Variants in TANC1 observed in about 807,000 individuals in gnomAD.
The protein encoded by TANC1 is protein TANC1.
TANC1 carries 77 observed loss-of-function variants against 149.7 expected under a neutral mutation model. The ratio of observed to expected loss-of-function variants is 0.51; its 90% CI spans 0.43 to 0.62. TANC1 has a LOEUF of 0.62. Ranked by LOEUF, TANC1 falls within the 20% of genes least tolerant of loss-of-function variation. The probability of loss-of-function intolerance (pLI) is 0.00; values close to 1 mark genes in which losing one functional copy is unlikely to be tolerated. For missense variants in TANC1, 1,985 were observed against 2,321.8 expected (o/e 0.85, Z 2.98); for synonymous variants, 854 against 925.0 (o/e 0.92, Z 1.39).
intron 5 of TANC1, 53 bp from the exon 6 acceptor site, chr2:159,149,088 CG>C (rs779011393): frequency 4.1e-4 from 619 of 1,526,760 alleles, no homozygotes; most frequent in Non-Finnish European, 5.3e-4. Context: ...CATCCAGATG[CG>C]ATACTGAAAT....
chr2:159,229,004 T>A, intron 26 of TANC1, 108 bp downstream of exon 26: 1 of 796,976 alleles, frequency 1.3e-6, no homozygotes, highest in Non-Finnish European at 2.1e-6. Flanking sequence ...CAGGTGCCTC[T>A]CATCCTTTTT....
chr2:159,070,370 C>T (rs2043041553), intron 3 of TANC1, among the ~76,000 whole-genome samples: 1 of 152,098 alleles, frequency 6.6e-6, no homozygotes, highest in Non-Finnish European at 1.5e-5. Flanking sequence ...CATTTTCCAC[C>T]AGAGTTGTGC....
chr2:159,222,915 T>C (rs1312671388), intron 22 of TANC1, among the ~76,000 whole-genome samples: 1 of 152,210 alleles, frequency 6.6e-6, no homozygotes, highest in Non-Finnish European at 1.5e-5. Flanking sequence ...TTTTTGTTTT[T>C]GTTTTTTTGA....
intron 4 of TANC1, among the ~76,000 whole-genome samples, chr2:159,118,999 A>G (rs2048576962): frequency 1.3e-5 from 2 of 152,236 alleles, no homozygotes; most frequent in African/African-American, 2.4e-5. Context: ...ACATACTGTT[A>G]ATCATGTATT....
chr2:159,189,223 G>A (rs923307542), intron 16 of TANC1, among the ~76,000 whole-genome samples: 1 of 152,248 alleles, frequency 6.6e-6, no homozygotes, highest in Admixed American at 6.5e-5. Context: ...TCTGCTGTAG[G>A]CACCTGGGAA....
chr2:159,198,005 C>A (rs1234828225), intron 18 of TANC1, among the ~76,000 whole-genome samples: 2 of 152,168 alleles, frequency 1.3e-5, no homozygotes, highest in African/African-American at 4.8e-5. Flanking sequence ...TAGGGGAGAA[C>A]CTGTCTCCTT....
chr2:159,109,707 C>T (rs1378749860), intron 4 of TANC1, among the ~76,000 whole-genome samples: 2 of 152,214 alleles, frequency 1.3e-5, no homozygotes, highest in Non-Finnish European at 2.9e-5. Flanking sequence ...CTTCCCTTGG[C>T]CCAGTGTCCA....
At chr2:159,154,928 T>G (rs2053257174) in intron 7 of TANC1, among the ~76,000 whole-genome samples, 1 of 152,216 alleles carries the variant, frequency 6.6e-6, no homozygotes, top group South Asian at 2.1e-4. Context: ...TTTAAAGGTG[T>G]TTCCTCCTTG....
intron 2 of TANC1, among the ~76,000 whole-genome samples, chr2:159,062,973 C>CCAAAAAAAAAAAAAAAAAAAAAAAA (rs770866772): frequency 2.4e-5 from 1 of 41,216 alleles, no homozygotes; most frequent in African/African-American, 7.4e-5. Flanking sequence ...GACTCCGTCT[C>CCAAAAAAAAAAAAAAAAAAAAAAAA]AAAAAAAAAA....
chr2:159,172,078 C>T, intron 10 of TANC1, 43 bp from the exon 11 acceptor site: 13 of 1,583,948 alleles, frequency 8.2e-6, no homozygotes, highest in Non-Finnish European at 1.1e-5. Context: ...CCACACCCTG[C>T]TCCTACTGTG....
chr2:159,185,180 G>T (rs560322867), intron 14 of TANC1, among the ~76,000 whole-genome samples: 15 of 152,194 alleles, frequency 9.9e-5, no homozygotes, highest in Non-Finnish European at 2.1e-4. Flanking sequence ...GAAACTAATT[G>T]GCTCAAAGGC....
At chr2:159,061,514 C>A (rs573065434) in intron 2 of TANC1, among the ~76,000 whole-genome samples, 15 of 152,292 alleles carry the variant, frequency 9.8e-5, no homozygotes, top group Middle Eastern at 3.4e-3. Context: ...AATTATTAGG[C>A]CTCATTCCCT....
intron 11 of TANC1, among the ~76,000 whole-genome samples, chr2:159,172,856 C>T (rs1032360651): frequency 1.3e-5 from 2 of 152,206 alleles, no homozygotes; most frequent in Non-Finnish European, 2.9e-5. Flanking sequence ...TTAAGTTTCC[C>T]TGGGCAGCAG....
At chr2:159,227,609 C>G (rs910613411) in intron 24 of TANC1, 1 of 557,256 alleles carries the variant, frequency 1.8e-6, no homozygotes, top group African/African-American at 1.9e-5. Context: ...TGTGTAACCA[C>G]AGGATGCGGG....
At chr2:159,141,933 C>T (rs767103801) in intron 5 of TANC1, among the ~76,000 whole-genome samples, 1 of 151,822 alleles carries the variant, frequency 6.6e-6, no homozygotes, top group Non-Finnish European at 1.5e-5. Context: ...CTTGCAAGGC[C>T]GTAGATCTAC....
At chr2:158,991,083 T>C (rs1372447675) in intron 1 of TANC1, among the ~76,000 whole-genome samples, 1 of 98,868 alleles carries the variant, frequency 1.0e-5, no homozygotes, top group African/African-American at 4.4e-5. Context: ...CAGAGCCAGA[T>C]CCTGTGTCAA....
intron 2 of TANC1, among the ~76,000 whole-genome samples, chr2:159,056,461 G>A (rs530088264): frequency 6.6e-6 from 1 of 152,060 alleles, no homozygotes; most frequent in Admixed American, 6.5e-5. Flanking sequence ...ACAGGCGCCC[G>A]CCACCACGCC....
intron 4 of TANC1, among the ~76,000 whole-genome samples, chr2:159,099,437 TTTTC>T (rs1282905675): frequency 6.6e-6 from 1 of 152,092 alleles, no homozygotes; most frequent in African/African-American, 2.4e-5. Flanking sequence ...GTGTTTTACT[TTTTC>T]TTTATTATCA....
intron 2 of TANC1, among the ~76,000 whole-genome samples, chr2:159,028,521 T>G (rs2039532404): frequency 6.6e-6 from 1 of 152,200 alleles, no homozygotes; most frequent in African/African-American, 2.4e-5. Context: ...TGAGTTTGTA[T>G]CCTCATATTT....
Sources: gnomAD v4.1 joint callset for allele counts (sites outside exome capture counted in the v4.1 genomes callset) on GRCh38, gnomAD v4.1.1 for gene constraint, MANE v1.5 for transcripts, NCBI Gene and HGNC (gene_info 2026-07-23, HGNC 2026-07-21) for gene names.